The following ONECUT2 variants were observed in gnomAD, a reference collection of about 807,000 sequenced individuals.
The protein encoded by ONECUT2 is one cut homeobox 2, also known as one cut domain family member 2.
A neutral mutation model predicts 27.9 loss-of-function variants in ONECUT2; 10 were observed. The ratio of observed to expected loss-of-function variants is 0.36; its 90% CI spans 0.22 to 0.61. The LOEUF (loss-of-function observed/expected upper bound fraction) is 0.61, where lower values mean the gene tolerates loss of function less well. Ranked by LOEUF, ONECUT2 falls within the 20% of genes least tolerant of loss-of-function variation. The probability of loss-of-function intolerance (pLI) is 0.73; values close to 1 mark genes in which losing one functional copy is unlikely to be tolerated. For missense variants in ONECUT2, 686 were observed against 721.0 expected (o/e 0.95, Z 0.56); for synonymous variants, 334 against 315.1 (o/e 1.06, Z -0.64).
At chr18:57,466,005 C>G (rs2050319214) in intron 1 of ONECUT2, among the ~76,000 whole-genome samples, 1 of 152,184 alleles carries the variant, frequency 6.6e-6, no homozygotes, top group Non-Finnish European at 1.5e-5. Context: ...TCCTCTTGTA[C>G]CTGTGCTCAC....
At position 57,435,998 on chromosome 18, in the gene ONECUT2, G is replaced by T; in HGVS notation, c.282G>T (p.Ala94=). ...CCGCGCACCAGGAGCTGGGCACGGC[G>T]GCAGCGGCGGCAGCGGCGGCGTCGC... ...PPTAHQELGT[A]AAAAAAASRS... Residue 94 remains alanine (A), a synonymous_variant, in exon 1 of 2, where the codon GCG becomes GCT. Transcript: ENST00000491143. The T allele has an allele frequency of 1.3e-6, 2 of 1,487,518 alleles. No individual in the cohort carries two copies. Among genetic ancestry groups the T allele is most frequent in the South Asian group, 1.3e-5 (1 of 77,474 alleles). 92.1% of individuals were successfully genotyped at this position (1,487,518 alleles called of 1,614,324 possible).
Position 57,436,749 on chromosome 18 carries a change from G to T in ONECUT2, c.1033G>T (p.Glu345Ter). ...AGAGGTGGCCCAGCGCATCACAGCG[G>T]AGCTGAAGCGCTACAGTATCCCCCA... ...TKEVAQRITA[E>*]LKRYSIPQAI... The change falls in exon 1 of 2, where the codon GAG becomes TAG. Residue 345 changes from glutamate (E) to a stop codon, truncating the protein, a stop_gained. Transcript: ENST00000491143. LOFTEE classifies it high-confidence loss of function. This position sits in a 1 kb window ranked among gnomAD's most constrained non-coding sequence, Gnocchi z 5.9. The T allele has an allele frequency of 6.2e-7, 1 of 1,614,024 alleles. No homozygotes were observed. Among genetic ancestry groups the T allele is most frequent in the Non-Finnish European group, 8.5e-7 (1 of 1,180,044 alleles).
intron 1 of ONECUT2, among the ~76,000 whole-genome samples, chr18:57,473,655 G>A (rs1320807493): frequency 2.5e-4 from 38 of 152,136 alleles, no homozygotes; most frequent in African/African-American, 8.7e-4. Flanking sequence ...CATCACCTGG[G>A]TGCTCATGAG....
chr18:57,442,571 C>G (rs959178413), intron 1 of ONECUT2, among the ~76,000 whole-genome samples: 4 of 152,154 alleles, frequency 2.6e-5, no homozygotes, highest in Admixed American at 6.5e-5. Flanking sequence ...GCTGGGTAAT[C>G]AGATATGTAA....
In ONECUT2 at chr18:57,435,564, G is replaced by T. The variant is rs1293401938; in HGVS notation, c.-153G>T. 6.3e-6 allele frequency: 1 copy of T among 157,528 alleles called. No homozygotes were observed. The highest frequency in any genetic ancestry group is 1.1e-5 in the Non-Finnish European group (1 of 91,826). 9.8% of individuals were successfully genotyped at this position (157,528 alleles called of 1,614,324 possible). ...CCCCGCCCCCACCCCGGGCGAGCCC[G>T]CCCGCAGCCCGGGGCGCACACCCGC... On this transcript the variant is annotated 5_prime_UTR_variant, in exon 1 of 2. Coordinates refer to ENST00000491143, the MANE Select transcript of ONECUT2 (RefSeq NM_004852.3).
intron 1 of ONECUT2, among the ~76,000 whole-genome samples, chr18:57,469,298 T>C (rs1196506597): frequency 6.6e-6 from 1 of 152,210 alleles, no homozygotes; most frequent in Non-Finnish European, 1.5e-5. Context: ...ACCTGTATCC[T>C]TGGAGGTTAA....
chr18:57,456,042 C>G (rs112840621), intron 1 of ONECUT2, among the ~76,000 whole-genome samples: 1,990 of 152,282 alleles, frequency 0.013, 21 homozygotes, highest in Non-Finnish European at 0.019. Context: ...TGACCTCATT[C>G]CCATTAGGAT....
At chr18:57,469,566 G>A (rs2050342330) in intron 1 of ONECUT2, among the ~76,000 whole-genome samples, 1 of 152,198 alleles carries the variant, frequency 6.6e-6, no homozygotes, top group Non-Finnish European at 1.5e-5. Context: ...TGACACGTAT[G>A]TAAAAACACG....
rs1419119323 is a variant in ONECUT2 at position 57,481,250 on chromosome 18, A to C, written c.*4527A>C. On this transcript the variant is annotated 3_prime_UTR_variant, in exon 2 of 2. Transcript: ENST00000491143. ...AATGTAAAAGAAGTGTTTAGCTTGCACCATGCATAAAGGTGCAGGCTAGTT... is the reference window on the plus strand; with the variant it reads ...AATGTAAAAGAAGTGTTTAGCTTGCCCCATGCATAAAGGTGCAGGCTAGTT... 6.6e-6 allele frequency: 1 copy of C among 152,240 alleles called. No individual in the cohort carries two copies. The highest frequency in any genetic ancestry group is 2.4e-5 in the African/African-American group (1 of 41,460). The allele number at this position is 152,240 out of a possible 1,614,324, so 9.4% of individuals were successfully genotyped here.
At chr18:57,437,295 C>T (rs1043170220) in intron 1 of ONECUT2, among the ~76,000 whole-genome samples, 4 of 152,012 alleles carry the variant, frequency 2.6e-5, no homozygotes, top group Non-Finnish European at 5.9e-5. Flanking sequence ...GCGTTTTCCT[C>T]TAGGAGCCCT....
chr18:57,466,187 C>T (rs2050320475), intron 1 of ONECUT2, among the ~76,000 whole-genome samples: 1 of 152,176 alleles, frequency 6.6e-6, no homozygotes, highest in African/African-American at 2.4e-5. Context: ...CTGGCTCTTT[C>T]AAAAGGCAGC....
chr18:57,464,936 A>G (rs561008981), intron 1 of ONECUT2, among the ~76,000 whole-genome samples: 96 of 152,302 alleles, frequency 6.3e-4, no homozygotes, highest in Non-Finnish European at 1.1e-3. Context: ...ATTTTCATAG[A>G]AAATTTTCAT....
At chr18:57,451,901 T>C (rs193245702) in intron 1 of ONECUT2, among the ~76,000 whole-genome samples, 347 of 152,150 alleles carry the variant, frequency 2.3e-3, no homozygotes, top group Middle Eastern at 0.01. Flanking sequence ...CAAAGTTACA[T>C]GGCAGGAAGC....
At position 57,435,930 on chromosome 18, in the gene ONECUT2, C is replaced by T. The variant is rs908639311; in HGVS notation, c.214C>T (p.Arg72Cys). 4.2e-5 allele frequency: 50 copies of T among 1,183,660 alleles called. No homozygotes were observed. Among genetic ancestry groups the T allele is most frequent in the Non-Finnish European group, 5.1e-5 (49 of 959,172 alleles). The allele number at this position is 1,183,660 out of a possible 1,614,324, so 73.3% of individuals were successfully genotyped here. A position where few individuals can be genotyped will look rare whatever the true frequency, so the allele number is the denominator to read the frequency against. Reference protein sequence around the residue: ...LASPSPHHAGRGAAGSLRGPP... With the variant: ...LASPSPHHAGCGAAGSLRGPP... Reference sequence around the variant, plus strand: ...CAGCCCCAGCCCCCACCACGCGGGCCGCGGCGCCGCTGGCTCGCTGCGGGG... The same window carrying T: ...CAGCCCCAGCCCCCACCACGCGGGCTGCGGCGCCGCTGGCTCGCTGCGGGG... Residue 72 changes from arginine to cysteine, a missense_variant, in exon 1 of 2, where the codon CGC becomes TGC. Coordinates refer to ENST00000491143, the MANE Select transcript of ONECUT2 (RefSeq NM_004852.3).
chr18:57,452,816 A>C (rs1355879481), intron 1 of ONECUT2, among the ~76,000 whole-genome samples: 1 of 152,230 alleles, frequency 6.6e-6, no homozygotes, highest in Non-Finnish European at 1.5e-5. Flanking sequence ...CAAAGGTCCA[A>C]GCCTGTTGCC....
intron 1 of ONECUT2, among the ~76,000 whole-genome samples, chr18:57,451,598 C>A (rs893678291): frequency 5.3e-5 from 8 of 152,202 alleles, no homozygotes; most frequent in Non-Finnish European, 1.2e-4. Context: ...ATATCGCTAG[C>A]CCCACTCCTC....
At position 57,483,925 on chromosome 18, in the gene ONECUT2, C is replaced by T. The variant is rs555249781; in HGVS notation, c.*7202C>T. The T allele has an allele frequency of 3.7e-4, 56 of 152,614 alleles. No individual in the cohort carries two copies. Among genetic ancestry groups the T allele is most frequent in the African/African-American group, 1.3e-3 (55 of 41,524 alleles). The allele number at this position is 152,614 out of a possible 1,614,324, so 9.5% of individuals were successfully genotyped here. A position where few individuals can be genotyped will look rare whatever the true frequency, so the allele number is the denominator to read the frequency against. Reference sequence around the variant, plus strand: ...TATAGTTTATATTTTTAATTTAAAACAACAGAGAGCACTGCAGTTTGTTTG... The same window carrying T: ...TATAGTTTATATTTTTAATTTAAAATAACAGAGAGCACTGCAGTTTGTTTG... On this transcript the variant is annotated 3_prime_UTR_variant, in exon 2 of 2. Coordinates refer to ENST00000491143, the MANE Select transcript of ONECUT2 (RefSeq NM_004852.3).
At chr18:57,444,879 G>A (rs572373585) in intron 1 of ONECUT2, among the ~76,000 whole-genome samples, 3 of 152,242 alleles carry the variant, frequency 2.0e-5, no homozygotes, top group African/African-American at 7.2e-5. Flanking sequence ...GGGAAGGGGG[G>A]TGGGAAGAGA....
rs117152821 is a variant in ONECUT2, at chr18:57,481,062, G to A, written c.*4339G>A. Reference sequence around the variant, plus strand: ...TTTACTTTATTCCTTTACACAAATAGGCTTGCATTGTTTTTGTTTTAATGT... The same window carrying A: ...TTTACTTTATTCCTTTACACAAATAAGCTTGCATTGTTTTTGTTTTAATGT... On this transcript the variant is annotated 3_prime_UTR_variant, in exon 2 of 2. Transcript: ENST00000491143. 3.9e-5 allele frequency: 6 copies of A among 152,116 alleles called. No homozygotes were observed. The highest frequency in any genetic ancestry group is 5.9e-5 in the Non-Finnish European group (4 of 68,006). 9.4% of individuals were successfully genotyped at this position (152,116 alleles called of 1,614,324 possible). A position where few individuals can be genotyped will look rare whatever the true frequency, so the allele number is the denominator to read the frequency against.
Sources: gnomAD v4.1 joint callset for allele counts (sites outside exome capture counted in the v4.1 genomes callset) on GRCh38, gnomAD v4.1.1 for gene constraint, Gnocchi (gnomAD v3.1) non-coding constraint, MANE v1.5 for transcripts, NCBI Gene and HGNC (gene_info 2026-07-23, HGNC 2026-07-21) for gene names.